Variants in LTBP1 observed in about 807,000 individuals in gnomAD.
LTBP1 encodes the protein latent transforming growth factor beta binding protein 1.
LTBP1 carries 129 observed loss-of-function variants against 207.6 expected under a neutral mutation model. The ratio of observed to expected loss-of-function variants is 0.62; its 90% CI spans 0.54 to 0.72. The LOEUF is 0.72. LTBP1 is among the 30% of genes least tolerant of loss of function. The probability of loss-of-function intolerance (pLI) is 0.00; values close to 1 mark genes in which losing one functional copy is unlikely to be tolerated. For missense variants in LTBP1, 2,281 were observed against 2,217.2 expected (o/e 1.03, Z -0.58); for synonymous variants, 963 against 833.7 (o/e 1.16, Z -2.67).
intron 5 of LTBP1, among the ~76,000 whole-genome samples, chr2:33,182,141 C>CA (rs1363789606): frequency 6.6e-6 from 1 of 152,046 alleles, no homozygotes; most frequent in Non-Finnish European, 1.5e-5. Flanking sequence ...ATAAGTCAAG[C>CA]AGAAACCATT....
At chr2:32,991,890 A>G (rs898834691) in intron 2 of LTBP1, among the ~76,000 whole-genome samples, 1 of 152,186 alleles carries the variant, frequency 6.6e-6, no homozygotes, top group Non-Finnish European at 1.5e-5. Context: ...TTTAATGATT[A>G]AAAATGAAAT....
intron 20 of LTBP1, among the ~76,000 whole-genome samples, chr2:33,297,975 C>T (rs1049500942): frequency 5.9e-5 from 9 of 152,130 alleles, no homozygotes; most frequent in African/African-American, 1.9e-4. Flanking sequence ...ATGTTTTTCT[C>T]ATGATTAAAC....
intron 23 of LTBP1, among the ~76,000 whole-genome samples, chr2:33,312,861 A>G (rs1390981368): frequency 6.6e-6 from 1 of 152,196 alleles, no homozygotes; most frequent in Middle Eastern, 3.2e-3. Context: ...AAATAAGAAG[A>G]GGGGTCTCAG....
intron 4 of LTBP1, among the ~76,000 whole-genome samples, chr2:33,112,773 A>G (rs2080490054): frequency 6.6e-6 from 1 of 152,202 alleles, no homozygotes; most frequent in South Asian, 2.1e-4. Context: ...GGAGGGACCT[A>G]AACATACTGT....
At chr2:33,103,621 GTGTGTGAGTGTT>G (rs903368653) in intron 3 of LTBP1, among the ~76,000 whole-genome samples, 22 of 142,192 alleles carry the variant, frequency 1.5e-4, no homozygotes, top group Non-Finnish European at 2.4e-4. Context: ...GTGTGTGTGT[GTGTGTGAGTGTT>G]ATGCTGCCAT....
chr2:33,282,946 C>T (rs2093588894), intron 19 of LTBP1, among the ~76,000 whole-genome samples: 1 of 151,618 alleles, frequency 6.6e-6, no homozygotes. Flanking sequence ...GCCTATAATC[C>T]CAGCCACCCA....
chr2:33,099,392 G>A (rs1201666886), intron 3 of LTBP1, among the ~76,000 whole-genome samples: 1 of 152,158 alleles, frequency 6.6e-6, no homozygotes, highest in African/African-American at 2.4e-5. Context: ...ATAAAACCCT[G>A]AGAGATTCTC....
At chr2:33,124,930 C>T (rs1348766208) in intron 4 of LTBP1, among the ~76,000 whole-genome samples, 9 of 152,248 alleles carry the variant, frequency 5.9e-5, no homozygotes, top group Admixed American at 5.2e-4. Context: ...GTATTCTTTC[C>T]CTTTGAACTT....
chr2:33,205,696 C>G (rs188261599), intron 7 of LTBP1, among the ~76,000 whole-genome samples: 2 of 152,264 alleles, frequency 1.3e-5, no homozygotes, highest in African/African-American at 4.8e-5. Context: ...CCTATTAGTG[C>G]TATTGATGGA....
chr2:33,031,639 A>G (rs2075695861), intron 3 of LTBP1, among the ~76,000 whole-genome samples: 1 of 152,206 alleles, frequency 6.6e-6, no homozygotes, highest in African/African-American at 2.4e-5. Context: ...AGTTGGAAGG[A>G]CTTGGAAAAG....
At chr2:33,193,431 C>T (rs990832581) in intron 7 of LTBP1, among the ~76,000 whole-genome samples, 18 of 152,172 alleles carry the variant, frequency 1.2e-4, no homozygotes, top group South Asian at 1.0e-3. Context: ...CATGAGCCAC[C>T]GCACCCAGCA....
intron 2 of LTBP1, among the ~76,000 whole-genome samples, chr2:32,997,845 G>A (rs1451824533): frequency 6.6e-6 from 1 of 152,198 alleles, no homozygotes; most frequent in East Asian, 1.9e-4. Context: ...GCCCCACCCA[G>A]AGACCATATT....
At chr2:33,175,947 T>G (rs573355937) in intron 5 of LTBP1, among the ~76,000 whole-genome samples, 1 of 116,668 alleles carries the variant, frequency 8.6e-6, no homozygotes, top group Non-Finnish European at 1.9e-5. Flanking sequence ...TAGGTGGGAA[T>G]TGAACAGTGA....
At chr2:33,009,362 G>T (rs530824722) in intron 2 of LTBP1, among the ~76,000 whole-genome samples, 4 of 152,150 alleles carry the variant, frequency 2.6e-5, no homozygotes, top group African/African-American at 4.8e-5. Flanking sequence ...CTAACCCCCA[G>T]TACCTCAGAA....
intron 5 of LTBP1, among the ~76,000 whole-genome samples, chr2:33,152,183 A>C (rs1394681309): frequency 6.6e-6 from 1 of 152,184 alleles, no homozygotes; most frequent in Non-Finnish European, 1.5e-5. Flanking sequence ...ACAAAGGACT[A>C]ATATCCAGAA....
At chr2:33,200,604 A>G (rs1160908811) in intron 7 of LTBP1, among the ~76,000 whole-genome samples, 1 of 152,382 alleles carries the variant, frequency 6.6e-6, no homozygotes, top group African/African-American at 2.4e-5. Context: ...AGCAATGGCA[A>G]CAAAAGCCAA....
intron 9 of LTBP1, among the ~76,000 whole-genome samples, chr2:33,235,346 T>A (rs1394967301): frequency 6.6e-6 from 1 of 152,060 alleles, no homozygotes; most frequent in Non-Finnish European, 1.5e-5. Flanking sequence ...AAAACCACAA[T>A]GAGATACCAT....
chr2:33,114,469 A>G (rs775682834), intron 4 of LTBP1, among the ~76,000 whole-genome samples: 6 of 152,178 alleles, frequency 3.9e-5, no homozygotes, highest in African/African-American at 9.7e-5. Context: ...AAACATCTAG[A>G]TATCGGACCT....
At chr2:33,198,448 G>T (rs1195048874) in intron 7 of LTBP1, among the ~76,000 whole-genome samples, 1 of 152,008 alleles carries the variant, frequency 6.6e-6, no homozygotes, top group Non-Finnish European at 1.5e-5. Flanking sequence ...TTTTTCTATT[G>T]ACTGGAATAG....
Sources: allele counts gnomAD v4.1 joint callset (sites outside exome capture counted in the v4.1 genomes callset), GRCh38; gene constraint gnomAD v4.1.1; transcripts MANE v1.5; gene names NCBI Gene and HGNC (gene_info 2026-07-23, HGNC 2026-07-21).